GALNT2: variants seen among roughly 807,000 people sequenced by gnomAD.
GALNT2 encodes UDP-GalNAc:polypeptide N-acetylgalactosaminyltransferase 2.
A neutral mutation model predicts 81.4 loss-of-function variants in GALNT2; 31 were observed. That is an observed-to-expected ratio of 0.38 (90% CI 0.29 to 0.51). The LOEUF is 0.51. GALNT2 is among the 20% of genes least tolerant of loss of function. The probability of loss-of-function intolerance (pLI) is 0.87; values close to 1 mark genes in which losing one functional copy is unlikely to be tolerated. For synonymous variants in GALNT2, 303 were observed against 287.4 expected, an observed-to-expected ratio of 1.05 and a Z score of -0.55; for missense variants, 629 against 765.7, an observed-to-expected ratio of 0.82 and a Z score of 2.11.
intron 2 of GALNT2, among the ~76,000 whole-genome samples, chr1:230,198,610 G>A (rs1572077513): frequency 6.6e-6 from 1 of 152,208 alleles, no homozygotes; most frequent in African/African-American, 2.4e-5. Flanking sequence ...GGGACCACCT[G>A]AGGGTTTGAC....
intron 1 of GALNT2, among the ~76,000 whole-genome samples, chr1:230,134,737 T>C (rs1246189606): frequency 6.6e-6 from 1 of 151,940 alleles, no homozygotes; most frequent in African/African-American, 2.4e-5. Flanking sequence ...GAGCTGGGCG[T>C]GGGGTGATAC....
At chr1:230,233,283 A>G (rs576380955) in intron 3 of GALNT2, among the ~76,000 whole-genome samples, 9 of 152,328 alleles carry the variant, frequency 5.9e-5, no homozygotes, top group African/African-American at 1.7e-4. Context: ...GGGGCAGATA[A>G]TTCATGGCTC....
intron 1 of GALNT2, among the ~76,000 whole-genome samples, chr1:230,137,871 C>T (rs951630932): frequency 6.6e-6 from 1 of 152,176 alleles, no homozygotes; most frequent in Admixed American, 6.5e-5. Flanking sequence ...TTTCTGTTGA[C>T]GTTGTTGGAA....
chr1:230,277,025 T>G (rs565914830), intron 15 of GALNT2, among the ~76,000 whole-genome samples: 18 of 152,382 alleles, frequency 1.2e-4, no homozygotes, highest in Non-Finnish European at 1.5e-5. Flanking sequence ...TCAATATTGC[T>G]TAATTTCAAG....
intron 2 of GALNT2, among the ~76,000 whole-genome samples, chr1:230,184,666 T>G (rs1663265164): frequency 6.6e-6 from 1 of 152,168 alleles, no homozygotes; most frequent in African/African-American, 2.4e-5. Context: ...TTTTTTTTCT[T>G]TATCTTTGAT....
upstream of GALNT2, among the ~76,000 whole-genome samples, chr1:230,063,231 A>C (rs2102734348): frequency 1.3e-5 from 2 of 148,996 alleles, no homozygotes; most frequent in African/African-American, 2.5e-5. Flanking sequence ...GAATGGCTTG[A>C]CCCCAGGAGG....
At chr1:230,162,641 A>C (rs1662470204) in intron 1 of GALNT2, among the ~76,000 whole-genome samples, 1 of 152,152 alleles carries the variant, frequency 6.6e-6, no homozygotes, top group African/African-American at 2.4e-5. Flanking sequence ...TGCAGCTCTA[A>C]CTTTCCCTCT....
At chr1:230,183,046 C>A (rs1202126628) in intron 2 of GALNT2, among the ~76,000 whole-genome samples, 1 of 152,170 alleles carries the variant, frequency 6.6e-6, no homozygotes, top group Non-Finnish European at 1.5e-5. Context: ...CTAAAGTCTA[C>A]ATTGTCAGAA....
In GALNT2 at chr1:230,131,670, G is replaced by A. The variant is rs532393791; in HGVS notation, c.127-46548G>A. ...CTCCGCTGCACCAGCCAAGTAGACC[G>A]AAGTTCGGTTTGGTAACAAGCCCTG... On this transcript the variant is annotated intron_variant, in intron 1 of 15. Coordinates refer to ENST00000366672, the MANE Select transcript of GALNT2 (RefSeq NM_004481.5). Among the ~76,000 whole-genome samples, 5 of 152,332 alleles carry A rather than the reference G, an allele frequency of 3.3e-5. No homozygotes were observed. In the East Asian group the frequency reaches 5.8e-4, roughly 18 times the overall value.
intron 2 of GALNT2, among the ~76,000 whole-genome samples, chr1:230,178,791 G>T (rs1663068383): frequency 6.6e-6 from 1 of 151,930 alleles, no homozygotes; most frequent in Non-Finnish European, 1.5e-5. Context: ...GAAGTCTGTA[G>T]TTGACATTAG....
chr1:230,149,182 A>G (rs1662018466), intron 1 of GALNT2, among the ~76,000 whole-genome samples: 1 of 152,100 alleles, frequency 6.6e-6, no homozygotes, highest in Non-Finnish European at 1.5e-5. Context: ...AGCCTAGCCT[A>G]CTTGTTTAAT....
chr1:230,224,912 G>T (rs1033609429), intron 3 of GALNT2, among the ~76,000 whole-genome samples: 2 of 152,234 alleles, frequency 1.3e-5, no homozygotes, highest in Admixed American at 1.3e-4. Flanking sequence ...AGAAGCCTGC[G>T]GTATTCAAGA....
At chr1:230,062,054 G>C (rs1479558387) in intron 1 of GALNT2, among the ~76,000 whole-genome samples, 1 of 151,762 alleles carries the variant, frequency 6.6e-6, no homozygotes, top group Non-Finnish European at 1.5e-5. Flanking sequence ...ATTTATTTTT[G>C]TAGTCTTGCC....
Position 230,280,035 on chromosome 1 carries a change from G to A in GALNT2, c.*577G>A. On this transcript the variant is annotated 3_prime_UTR_variant, in exon 16 of 16. Transcript: ENST00000366672. ...ATGTACTTGCTATATTGAGGATGAA[G>A]TTTTCTATGGTGGGACACTAAATAT... 1 of 455,980 alleles carries A rather than the reference G, an allele frequency of 2.2e-6. No individual in the cohort carries two copies. Among genetic ancestry groups the A allele is most frequent in the Non-Finnish European group, 4.4e-6 (1 of 226,722 alleles). 28.2% of individuals were successfully genotyped at this position (455,980 alleles called of 1,614,324 possible).
chr1:230,266,325 GATAATA>G (rs1206976101), intron 14 of GALNT2, among the ~76,000 whole-genome samples: 5 of 152,192 alleles, frequency 3.3e-5, no homozygotes, highest in Non-Finnish European at 5.9e-5. Flanking sequence ...TTTCCCATGA[GATAATA>G]ATAGGAATTG....
chr1:230,209,411 A>G (rs1172466450), intron 3 of GALNT2, among the ~76,000 whole-genome samples: 3 of 152,018 alleles, frequency 2.0e-5, no homozygotes, highest in Non-Finnish European at 4.4e-5. Context: ...GGAAGATGGA[A>G]AGAGAGATTT....
At chr1:230,180,805 C>T (rs1394959720) in intron 2 of GALNT2, among the ~76,000 whole-genome samples, 2 of 152,136 alleles carry the variant, frequency 1.3e-5, no homozygotes, top group East Asian at 1.9e-4. Flanking sequence ...TAGTTTTCCT[C>T]ATACAGAATT....
At chr1:230,252,501 T>G (rs2102750380) in intron 10 of GALNT2, among the ~76,000 whole-genome samples, 1 of 152,282 alleles carries the variant, frequency 6.6e-6, no homozygotes, top group South Asian at 2.1e-4. Flanking sequence ...TTCCAGGGAA[T>G]CATCTGTTTG....
Position 230,210,854 on chromosome 1 carries a change from G to T in GALNT2, c.374+7564G>T, listed in dbSNP as rs377212643. On this transcript the variant is annotated intron_variant, in intron 3 of 15. Coordinates refer to ENST00000366672, the MANE Select transcript of GALNT2 (RefSeq NM_004481.5). The stretch of plus-strand genomic sequence containing the variant: ...TATTGATATCAGTTGTTTTAAGAGT[G>T]GCTAATCAGGATTAAGGATTGTGGG... Among the ~76,000 whole-genome samples the T allele has an allele frequency of 9.1e-4, 139 of 152,310 alleles. 1 individual carries two copies. The Middle Eastern group carries it at 0.014, about 15-fold the overall frequency.
Sources: allele counts gnomAD v4.1 joint callset (sites outside exome capture counted in the v4.1 genomes callset), GRCh38; gene constraint gnomAD v4.1.1; transcripts MANE v1.5; gene names NCBI Gene and HGNC (gene_info 2026-07-23, HGNC 2026-07-21).